PLCG2: variants seen among roughly 807,000 people sequenced by gnomAD.
PLCG2 encodes the protein phospholipase C gamma 2.
In PLCG2, 69 loss-of-function variants were observed where a neutral mutation model predicts 175.6. That is an observed-to-expected ratio of 0.39 (90% CI 0.32 to 0.48). PLCG2 has a LOEUF of 0.48. PLCG2 is among the 20% of genes least tolerant of loss of function. PLCG2 has a pLI of 0.91. For missense variants in PLCG2, 1,798 were observed against 1,650.9 expected (o/e 1.09, Z -1.54); for synonymous variants, 827 against 624.0 (o/e 1.33, Z -4.85).
At chr16:81,778,081 C>CAAA (rs750579549), upstream of PLCG2, among the ~76,000 whole-genome samples, 2 of 99,982 alleles carry the variant, frequency 2.0e-5, 1 homozygote, top group Non-Finnish European at 4.1e-5. Context: ...CACACACACA[C>CAAA]AAAAAAAACG....
chr16:81,855,161 A>G (rs575967274), intron 3 of PLCG2, among the ~76,000 whole-genome samples: 27 of 150,904 alleles, frequency 1.8e-4, no homozygotes, highest in African/African-American at 6.1e-4. Flanking sequence ...TCACTCCCCT[A>G]CAGTCTGGGT....
At chr16:81,784,051 TG>T (rs1340576723) in intron 1 of PLCG2, among the ~76,000 whole-genome samples, 1 of 152,218 alleles carries the variant, frequency 6.6e-6, no homozygotes, top group Non-Finnish European at 1.5e-5. Context: ...ATGCTTCTGC[TG>T]CTGCACTTGT....
At chr16:81,758,880 G>C (rs994111231) in intron 2 of PLCG2, among the ~76,000 whole-genome samples, 3 of 152,088 alleles carry the variant, frequency 2.0e-5, no homozygotes, top group Non-Finnish European at 2.9e-5. Context: ...GTTTCACCAT[G>C]TTGGCCAGGC....
At position 81,934,628 on chromosome 16, in the gene PLCG2, T is replaced by C. The variant is rs1910633616; in HGVS notation, c.2842+97T>C. The C allele has an allele frequency of 3.8e-6, 3 of 785,250 alleles. No homozygotes were observed. The East Asian group carries it at 7.9e-5, about 21-fold the overall frequency. 48.6% of individuals were successfully genotyped at this position (785,250 alleles called of 1,614,324 possible). A position where few individuals can be genotyped will look rare whatever the true frequency, so the allele number is the denominator to read the frequency against. On this transcript the variant is annotated intron_variant, in intron 26 of 32. Transcript: ENST00000564138. ...CAGAGGGGGCAGAGAGTGCATTCTC[T>C]CATTCTTAACTACTCCCAGTAGATG...
At chr16:81,811,759 C>T (rs1464158555) in intron 2 of PLCG2, among the ~76,000 whole-genome samples, 1 of 152,152 alleles carries the variant, frequency 6.6e-6, no homozygotes, top group African/African-American at 2.4e-5. Flanking sequence ...TTTCTTTATC[C>T]AGTCTATCAT....
chr16:81,895,508 C>T (rs537794450), intron 12 of PLCG2: 18 of 300,876 alleles, frequency 6.0e-5, no homozygotes, highest in African/African-American at 3.2e-4. Context: ...TGCAATGGGC[C>T]GAGATTGTGC....
intron 31 of PLCG2, among the ~76,000 whole-genome samples, chr16:81,953,673 C>T (rs1271068291): frequency 6.6e-6 from 1 of 152,182 alleles, no homozygotes; most frequent in African/African-American, 2.4e-5. Flanking sequence ...TTTCTCTTGA[C>T]TAGAGTGGTG....
In PLCG2 at chr16:81,826,805, C is replaced by T. The variant is rs72832043; in HGVS notation, c.194-27639C>T. The stretch of plus-strand genomic sequence containing the variant: ...AGCCACTTAGCTGGAACAGCTTTAC[C>T]GTGATTTTCTAGTATGACTCTCAAG... On this transcript the variant is annotated intron_variant, in intron 2 of 32. Transcript: ENST00000564138. Among the ~76,000 whole-genome samples, 694 of 152,236 alleles carry T rather than the reference C, an allele frequency of 4.6e-3. 3 individuals are homozygous for T. Among genetic ancestry groups the T allele is most frequent in the Non-Finnish European group, 5.7e-3 (390 of 68,008 alleles).
chr16:81,775,464 C>T (rs1352400966), upstream of PLCG2, among the ~76,000 whole-genome samples: 1 of 152,132 alleles, frequency 6.6e-6, no homozygotes, highest in Non-Finnish European at 1.5e-5. Flanking sequence ...TTCTTCTTCC[C>T]AGTAACAATT....
chr16:81,785,224 A>T (rs4480797), intron 1 of PLCG2, among the ~76,000 whole-genome samples: 3 of 151,746 alleles, frequency 2.0e-5, no homozygotes, highest in South Asian at 2.1e-4. Context: ...AACAGCAATC[A>T]AGGACACCTC....
At chr16:81,790,683 T>TTACAATCCCTGTGC (rs1911191500) in intron 2 of PLCG2, among the ~76,000 whole-genome samples, 1 of 152,256 alleles carries the variant, frequency 6.6e-6, no homozygotes, top group East Asian at 1.9e-4. Context: ...TGGACAGGTG[T>TTACAATCCCTGTGC]TACAATCCCT....
At chr16:81,855,827 G>GGGAAATAGCATGTCGGATGTA (rs1906654505) in intron 3 of PLCG2, among the ~76,000 whole-genome samples, 2 of 152,184 alleles carry the variant, frequency 1.3e-5, no homozygotes, top group African/African-American at 4.8e-5. Flanking sequence ...GCTTGGAGGA[G>GGGAAATAGCATGTCGGATGTA]GGAAATAGCA....
rs1911689875 is a variant in PLCG2, at chr16:81,959,198, A to G, written c.*1200A>G. The stretch of plus-strand genomic sequence containing the variant: ...GATGGGAAAAGGAGTGTAACTGTGA[A>G]AAACGATGGCTGTGGTGGGGAAGAA... On this transcript the variant is annotated 3_prime_UTR_variant, in exon 33 of 33. Transcript: ENST00000564138. 8.8e-6 allele frequency: 2 copies of G among 226,432 alleles called. No homozygotes were observed. Among genetic ancestry groups the G allele is most frequent in the Non-Finnish European group, 8.8e-6 (1 of 113,836 alleles). The allele number at this position is 226,432 out of a possible 1,614,324, so 14.0% of individuals were successfully genotyped here. A position where few individuals can be genotyped will look rare whatever the true frequency, so the allele number is the denominator to read the frequency against.
At chr16:81,841,486 C>A (rs151098660) in intron 2 of PLCG2, among the ~76,000 whole-genome samples, 17,446 of 152,054 alleles carry the variant, frequency 0.11, 1,095 homozygotes, top group South Asian at 0.2. Context: ...AGTGATCTGC[C>A]CACTTCGGCC....
intron 3 of PLCG2, among the ~76,000 whole-genome samples, chr16:81,857,067 A>C (rs549703599): frequency 4.0e-5 from 6 of 149,796 alleles, no homozygotes; most frequent in Non-Finnish European, 7.5e-5. Flanking sequence ...AACAGTCTGA[A>C]AATAAATCTA....
intron 2 of PLCG2, among the ~76,000 whole-genome samples, chr16:81,760,240 C>T (rs1910009446): frequency 1.3e-5 from 2 of 152,198 alleles, no homozygotes; most frequent in African/African-American, 4.8e-5. Context: ...CAAAGCACAA[C>T]CACAGGTGGG....
chr16:81,961,801 T>C lies in PLCG2; in HGVS notation c.*3803T>C, dbSNP rs1425339142. On this transcript the variant is annotated 3_prime_UTR_variant, in exon 33 of 33. Transcript: ENST00000564138. ...ATTTAAACATGTAGTGTCTACGGTA[T>C]GCCAGCACTTTGCAGCTATTTATAA... The C allele has an allele frequency of 4.9e-6, 1 of 203,522 alleles. No individual in the cohort carries two copies. Among genetic ancestry groups the C allele is most frequent in the Non-Finnish European group, 1.0e-5 (1 of 99,270 alleles). The allele number at this position is 203,522 out of a possible 1,614,324, so 12.6% of individuals were successfully genotyped here. A position where few individuals can be genotyped will look rare whatever the true frequency, so the allele number is the denominator to read the frequency against.
At position 81,878,287 on chromosome 16, in the gene PLCG2, A is replaced by G. The variant is rs1907912615; in HGVS notation, c.649-2623A>G. Among the ~76,000 whole-genome samples the G allele has an allele frequency of 2.0e-5, 3 of 151,614 alleles. No individual in the cohort carries two copies. The South Asian group carries it at 6.3e-4, about 32-fold the overall frequency. On this transcript the variant is annotated intron_variant, in intron 7 of 32. Coordinates refer to ENST00000564138, the MANE Select transcript of PLCG2 (RefSeq NM_002661.5). ...GTGTGAGCCACCGTGCCCGGCCCAA[A>G]TCTCCCTCTTTTAAGAAGCCAGGCA...
intron 3 of PLCG2, 82 bp from the exon 4 acceptor site, chr16:81,858,181 T>G: frequency 9.3e-6 from 9 of 963,044 alleles, no homozygotes; most frequent in Middle Eastern, 2.6e-4. Context: ...CCCATCTTCG[T>G]GATCTGTATG....
Sources: allele counts gnomAD v4.1 joint callset (sites outside exome capture counted in the v4.1 genomes callset), GRCh38; gene constraint gnomAD v4.1.1; transcripts MANE v1.5; gene names NCBI Gene and HGNC (gene_info 2026-07-23, HGNC 2026-07-21).